SUMF1: variants seen among roughly 807,000 people sequenced by gnomAD.
The protein encoded by SUMF1 is formylglycine-generating enzyme.
Under a neutral mutation model 47.6 loss-of-function variants are expected in SUMF1, and 48 were observed. The ratio of observed to expected loss-of-function variants is 1.01; its 90% CI spans 0.80 to 1.28. SUMF1 has a LOEUF of 1.28. SUMF1 is among the 50% of genes most tolerant of loss of function. The pLI is 0.00. For synonymous variants in SUMF1, 230 were observed against 192.1 expected (o/e 1.20, Z -1.63); for missense variants, 571 against 485.4 (o/e 1.18, Z -1.66).
At chr3:4,376,309 C>T (rs1410806913) in intron 8 of SUMF1, 21 bp downstream of exon 8, 1 of 1,614,046 alleles carries the variant, frequency 6.2e-7, no homozygotes, top group Admixed American at 1.7e-5. Context: ...AACGGCAAAA[C>T]AGTTTAGTGA....
At chr3:4,153,522 G>T (rs1315310817) in intron 8 of SUMF1, among the ~76,000 whole-genome samples, 4 of 145,524 alleles carry the variant, frequency 2.7e-5, no homozygotes, top group Non-Finnish European at 4.5e-5. Context: ...CGCCTTGTAG[G>T]TTTTTTTTTT....
intron 8 of SUMF1, among the ~76,000 whole-genome samples, chr3:4,222,848 G>T (rs1696096525): frequency 6.6e-6 from 1 of 152,062 alleles, no homozygotes; most frequent in Non-Finnish European, 1.5e-5. Flanking sequence ...CAAGCAAGAG[G>T]CTCAAGTTTA....
At chr3:4,171,951 C>A (rs193159087) in intron 8 of SUMF1, among the ~76,000 whole-genome samples, 1 of 152,096 alleles carries the variant, frequency 6.6e-6, no homozygotes, top group African/African-American at 2.4e-5. Context: ...CTTTGAGGCA[C>A]CTTAAATCAC....
intron 8 of SUMF1, among the ~76,000 whole-genome samples, chr3:4,153,379 T>A (rs968168042): frequency 3.3e-5 from 5 of 151,246 alleles, no homozygotes; most frequent in Non-Finnish European, 7.4e-5. Flanking sequence ...CCGAGCTAAT[T>A]TTTTATTTTT....
intron 1 of SUMF1, among the ~76,000 whole-genome samples, chr3:4,458,833 G>A (rs2079735796): frequency 6.6e-6 from 1 of 152,088 alleles, no homozygotes. Flanking sequence ...TCCAGCCTGG[G>A]CAACAGAGCT....
chr3:4,453,347 G>A (rs1703040673), intron 1 of SUMF1, among the ~76,000 whole-genome samples: 1 of 152,124 alleles, frequency 6.6e-6, no homozygotes, highest in African/African-American at 2.4e-5. Context: ...CGGCTAGAAT[G>A]CAGAGGTAGC....
intron 8 of SUMF1, among the ~76,000 whole-genome samples, chr3:4,094,600 T>G (rs933192710): frequency 6.6e-6 from 1 of 152,008 alleles, no homozygotes; most frequent in Admixed American, 6.6e-5. Context: ...GTTATGCCTT[T>G]TGTCAAGCAT....
Position 4,376,385 on chromosome 3 carries a change from C to T in SUMF1, c.959G>A (p.Gly320Asp). Residue 320 changes from glycine (G) to aspartate (D), a missense_variant, in exon 8 of 9, where the codon GGT becomes GAT. Physicochemically the swap from Gly to Asp is moderately conservative, Grantham distance 94. Coordinates refer to ENST00000272902, the MANE Select transcript of SUMF1 (RefSeq NM_182760.4). ...CACTCGGTCTTTCCCAGAAGGGGGA[C>T]CTTTCTACAGATGAAGAAAAAAGGC... ...HSVEETLNPKGPPSGKDRVKK... is the reference protein window; with the variant it reads ...HSVEETLNPKDPPSGKDRVKK... 6.2e-7 allele frequency: 1 copy of T among 1,614,102 alleles called. No homozygotes were observed. The highest frequency in any genetic ancestry group is 1.3e-5 in the African/African-American group (1 of 75,044).
chr3:4,366,620 A>C (rs1193533389), intron 8 of SUMF1, among the ~76,000 whole-genome samples: 1 of 151,258 alleles, frequency 6.6e-6, no homozygotes, highest in East Asian at 1.9e-4. Flanking sequence ...CATTCGTCTA[A>C]ATTTTTTTCA....
chr3:4,122,481 G>A lies in SUMF1; in HGVS notation c.1015-53736C>T, dbSNP rs149952076. Among the ~76,000 whole-genome samples the A allele has an allele frequency of 1.2e-4, 19 of 152,158 alleles. No individual in the cohort carries two copies. The East Asian group carries it at 3.7e-3, about 29-fold the overall frequency. On this transcript the variant is annotated intron_variant and NMD_transcript_variant, in intron 8 of 12. Transcript: ENST00000448413. ...GAAAATGTTTTGGGACCAGATAGAG[G>A]CAGTGGTTTTACAACAGTGTGAATG...
chr3:4,287,414 A>G, intron 8 of SUMF1, among the ~76,000 whole-genome samples: 1 of 152,010 alleles, frequency 6.6e-6, no homozygotes, highest in South Asian at 2.1e-4. Flanking sequence ...TTGTAAAAAA[A>G]AAAAATCTTT....
chr3:4,454,308 T>C (rs1575243779), intron 1 of SUMF1, among the ~76,000 whole-genome samples: 1 of 152,128 alleles, frequency 6.6e-6, no homozygotes, highest in Non-Finnish European at 1.5e-5. Flanking sequence ...ACACTGAAAA[T>C]TTTCAGTTAA....
intron 8 of SUMF1, chr3:4,312,766 G>A: frequency 1.0e-6 from 1 of 995,486 alleles, no homozygotes; most frequent in Non-Finnish European, 1.4e-6. Flanking sequence ...ATCTTAGTAT[G>A]CTGTGTTTTG....
At chr3:4,202,846 A>T (rs1695569799) in intron 8 of SUMF1, among the ~76,000 whole-genome samples, 2 of 151,982 alleles carry the variant, frequency 1.3e-5, no homozygotes, top group Admixed American at 6.6e-5. Context: ...TTGGTCATTC[A>T]GGAGCATATT....
At chr3:4,456,799 CGTGT>C (rs1401153006) in intron 1 of SUMF1, among the ~76,000 whole-genome samples, 62 of 138,208 alleles carry the variant, frequency 4.5e-4, no homozygotes, top group African/African-American at 1.5e-3. Flanking sequence ...TGTATATATA[CGTGT>C]ATATATATAC....
chr3:4,229,934 G>T (rs755361733), intron 8 of SUMF1, among the ~76,000 whole-genome samples: 12 of 151,934 alleles, frequency 7.9e-5, no homozygotes, highest in Non-Finnish European at 1.3e-4. Flanking sequence ...GATCCCTTGA[G>T]CCCAGGAGTT....
intron 8 of SUMF1, among the ~76,000 whole-genome samples, chr3:4,300,940 T>G (rs974893149): frequency 1.3e-5 from 2 of 152,106 alleles, no homozygotes; most frequent in Non-Finnish European, 2.9e-5. Flanking sequence ...AAGACTAGCA[T>G]ATAAATGTAC....
chr3:4,259,503 A>G (rs1225310376), intron 8 of SUMF1, among the ~76,000 whole-genome samples: 2 of 152,166 alleles, frequency 1.3e-5, no homozygotes, highest in Admixed American at 1.3e-4. Context: ...TTTTGACAAA[A>G]TATTTGGATT....
At chr3:4,222,170 G>C (rs1358167325) in intron 8 of SUMF1, among the ~76,000 whole-genome samples, 1 of 151,960 alleles carries the variant, frequency 6.6e-6, no homozygotes, top group Non-Finnish European at 1.5e-5. Context: ...TCTTTGGTGG[G>C]ATAATACTCC....
Sources: gnomAD v4.1 joint callset for allele counts (sites outside exome capture counted in the v4.1 genomes callset) on GRCh38, gnomAD v4.1.1 for gene constraint, MANE v1.5 for transcripts, NCBI Gene and HGNC (gene_info 2026-07-23, HGNC 2026-07-21) for gene names.